SPIDR: variants seen among roughly 807,000 people sequenced by gnomAD.
The protein encoded by SPIDR is scaffold protein involved in DNA repair.
In SPIDR, 93 loss-of-function variants were observed where a neutral mutation model predicts 104.6. That is an observed-to-expected ratio of 0.89 (90% CI 0.75 to 1.06). SPIDR has a LOEUF of 1.06. SPIDR is among the 50% of genes least tolerant of loss of function. SPIDR has a pLI of 0.00. For synonymous variants in SPIDR, 431 were observed against 416.9 expected (o/e 1.03, Z -0.41); for missense variants, 1,154 against 1,111.2 (o/e 1.04, Z -0.55).
chr8:47,367,886 T>A (rs1388835239), intron 5 of SPIDR, among the ~76,000 whole-genome samples: 1 of 152,156 alleles, frequency 6.6e-6, no homozygotes, highest in East Asian at 1.9e-4. Context: ...AGCTGGAGAT[T>A]ATAGGAACAG....
chr8:47,678,514 G>A (rs1265090657), intron 11 of SPIDR, among the ~76,000 whole-genome samples: 1 of 152,170 alleles, frequency 6.6e-6, no homozygotes. Context: ...GGAAGCCAAG[G>A]GGAGACTCAG....
chr8:47,279,109 G>A (rs2037201748), intron 1 of SPIDR, among the ~76,000 whole-genome samples: 2 of 151,322 alleles, frequency 1.3e-5, no homozygotes, highest in Non-Finnish European at 2.9e-5. Context: ...TGCCCAGGCT[G>A]GTCTTGAACC....
intron 16 of SPIDR, among the ~76,000 whole-genome samples, 162 bp from the exon 17 acceptor site, chr8:47,727,038 A>G (rs1334167850): frequency 2.0e-5 from 3 of 152,216 alleles, no homozygotes; most frequent in African/African-American, 7.2e-5. Context: ...TTTTCTTTGT[A>G]CAATAAGTGG....
intron 8 of SPIDR, among the ~76,000 whole-genome samples, chr8:47,528,948 A>G (rs916935034): frequency 1.3e-5 from 2 of 152,204 alleles, no homozygotes; most frequent in Non-Finnish European, 2.9e-5. Context: ...CAACAGGATA[A>G]ATAAAACAAA....
At chr8:47,646,731 T>C (rs761028037) in intron 10 of SPIDR, among the ~76,000 whole-genome samples, 2 of 152,028 alleles carry the variant, frequency 1.3e-5, no homozygotes, top group Non-Finnish European at 2.9e-5. Flanking sequence ...CAAGTAACAG[T>C]GATTATCTGT....
At chr8:47,520,779 T>C (rs928810974) in intron 8 of SPIDR, among the ~76,000 whole-genome samples, 1 of 152,200 alleles carries the variant, frequency 6.6e-6, no homozygotes, top group Admixed American at 6.5e-5. Flanking sequence ...TGTGTGACAC[T>C]GGACATGACT....
At chr8:47,479,857 T>C (rs2076696209) in intron 8 of SPIDR, among the ~76,000 whole-genome samples, 1 of 152,218 alleles carries the variant, frequency 6.6e-6, no homozygotes. Context: ...CTAGGAACAC[T>C]AACAGTTCAA....
intron 8 of SPIDR, among the ~76,000 whole-genome samples, chr8:47,530,247 A>G (rs1243508949): frequency 6.6e-6 from 1 of 152,080 alleles, no homozygotes; most frequent in Non-Finnish European, 1.5e-5. Context: ...GTAGGCAGAT[A>G]ACTTGAGGCC....
At chr8:47,324,670 C>T (rs2047357827) in intron 5 of SPIDR, among the ~76,000 whole-genome samples, 1 of 152,130 alleles carries the variant, frequency 6.6e-6, no homozygotes, top group South Asian at 2.1e-4. Context: ...TGAGATGCTT[C>T]CCTTAAAGGG....
chr8:47,401,544 G>A (rs1405778346), intron 6 of SPIDR, among the ~76,000 whole-genome samples: 2 of 152,058 alleles, frequency 1.3e-5, no homozygotes, highest in Non-Finnish European at 2.9e-5. Flanking sequence ...TAGCAAACTG[G>A]ATAAAGAGTC....
intron 8 of SPIDR, among the ~76,000 whole-genome samples, chr8:47,522,421 T>G (rs2084309482): frequency 6.6e-6 from 1 of 152,196 alleles, no homozygotes; most frequent in Admixed American, 6.5e-5. Flanking sequence ...TAAAATTCAT[T>G]TATTTTCTCC....
intron 10 of SPIDR, among the ~76,000 whole-genome samples, chr8:47,659,491 G>C (rs1469545243): frequency 1.3e-5 from 2 of 152,178 alleles, no homozygotes; most frequent in Non-Finnish European, 2.9e-5. Flanking sequence ...TGTTTACTTT[G>C]GGAGCGCAGA....
chr8:47,461,719 A>T (rs1247915237), intron 8 of SPIDR, among the ~76,000 whole-genome samples: 2 of 151,814 alleles, frequency 1.3e-5, no homozygotes, highest in African/African-American at 4.8e-5. Flanking sequence ...TTTATTGCTG[A>T]GACTTCCCAG....
At chr8:47,366,395 T>A (rs537168683) in intron 5 of SPIDR, among the ~76,000 whole-genome samples, 1 of 152,146 alleles carries the variant, frequency 6.6e-6, no homozygotes, top group East Asian at 1.9e-4. Context: ...TGGAGCACAG[T>A]GTTAGGGACT....
chr8:47,630,766 T>C (rs757901177), intron 10 of SPIDR, among the ~76,000 whole-genome samples: 1 of 152,148 alleles, frequency 6.6e-6, no homozygotes, highest in Non-Finnish European at 1.5e-5. Context: ...ACTCAGAAAA[T>C]ACCACGTGAC....
chr8:47,595,017 AAAAG>A (rs1328212102), intron 8 of SPIDR, among the ~76,000 whole-genome samples: 2 of 151,982 alleles, frequency 1.3e-5, no homozygotes, highest in Non-Finnish European at 2.9e-5. Flanking sequence ...AAAGAAAAGA[AAAAG>A]AAAACCCAGG....
chr8:47,735,186 G>A (rs1450850772), intron 19 of SPIDR, 121 bp from the exon 20 acceptor site: 17 of 831,160 alleles, frequency 2.0e-5, no homozygotes, highest in Non-Finnish European at 3.0e-5. Flanking sequence ...AGCCATTTGA[G>A]GAGTGGAAGG....
chr8:47,718,405 A>G (rs575703162), intron 16 of SPIDR, among the ~76,000 whole-genome samples: 1 of 152,210 alleles, frequency 6.6e-6, no homozygotes, highest in African/African-American at 2.4e-5. Context: ...CATTTTACAA[A>G]TTGGTGGGAT....
At chr8:47,409,482 G>A (rs2063210921) in intron 7 of SPIDR, among the ~76,000 whole-genome samples, 1 of 152,182 alleles carries the variant, frequency 6.6e-6, no homozygotes, top group Non-Finnish European at 1.5e-5. Context: ...ATGGGTAGGT[G>A]TGGGCCCAGT....
Sources: gnomAD v4.1 joint callset for allele counts (sites outside exome capture counted in the v4.1 genomes callset) on GRCh38, gnomAD v4.1.1 for gene constraint, MANE v1.5 for transcripts, NCBI Gene and HGNC (gene_info 2026-07-23, HGNC 2026-07-21) for gene names.